Variants in SLC30A8 observed in about 807,000 individuals in gnomAD.
SLC30A8 encodes solute carrier family 30 member 8.
Under a neutral mutation model 36.9 loss-of-function variants are expected in SLC30A8, and 27 were observed. The observed-to-expected ratio is 0.73, with a 90% CI of 0.54 to 1.01. SLC30A8 has a LOEUF of 1.01. SLC30A8 is among the 50% of genes least tolerant of loss of function. SLC30A8 has a pLI of 0.00. For synonymous variants in SLC30A8, 164 were observed against 172.4 expected (o/e 0.95, Z 0.38); for missense variants, 439 against 452.0 (o/e 0.97, Z 0.26).
At chr8:117,034,794 G>A (rs971392403) in intron 1 of SLC30A8, among the ~76,000 whole-genome samples, 1 of 152,174 alleles carries the variant, frequency 6.6e-6, no homozygotes, top group Non-Finnish European at 1.5e-5. Flanking sequence ...CATGGCTGAG[G>A]AGTCCTCAGG....
At chr8:116,971,213 G>T (rs191676640) in intron 1 of SLC30A8, among the ~76,000 whole-genome samples, 4 of 152,016 alleles carry the variant, frequency 2.6e-5, no homozygotes, top group African/African-American at 7.3e-5. Context: ...ACCATGGCAC[G>T]TGTTTACCTA....
At chr8:117,143,665 A>AACACAC (rs58613241) in intron 1 of SLC30A8, among the ~76,000 whole-genome samples, 18,251 of 146,012 alleles carry the variant, frequency 0.12, 1,227 homozygotes, top group South Asian at 0.19. Flanking sequence ...TCTCCCATAA[A>AACACAC]ACACACACAC....
chr8:116,960,956 T>C (rs1814394915), intron 1 of SLC30A8, among the ~76,000 whole-genome samples: 1 of 151,930 alleles, frequency 6.6e-6, no homozygotes, highest in South Asian at 2.1e-4. Flanking sequence ...AAGCAATGAG[T>C]ATCCTTAAGA....
intron 1 of SLC30A8, among the ~76,000 whole-genome samples, chr8:116,964,751 A>G (rs962420094): frequency 6.6e-5 from 10 of 152,210 alleles, no homozygotes; most frequent in Non-Finnish European, 1.3e-4. Context: ...GAGGTTACTC[A>G]TCATCTCTTA....
At chr8:117,089,447 C>T (rs1819016880) in intron 2 of SLC30A8, among the ~76,000 whole-genome samples, 1 of 152,306 alleles carries the variant, frequency 6.6e-6, no homozygotes, top group East Asian at 1.9e-4. Flanking sequence ...ACATTGACTA[C>T]TTGCCCAAAT....
At chr8:117,103,477 CTTTG>C (rs61326196) in intron 2 of SLC30A8, among the ~76,000 whole-genome samples, 71 of 151,366 alleles carry the variant, frequency 4.7e-4, no homozygotes, top group South Asian at 1.7e-3. Context: ...GGGTAACATA[CTTTG>C]TTTGTTTGTT....
At chr8:116,984,398 G>A (rs1470640262) in intron 1 of SLC30A8, among the ~76,000 whole-genome samples, 1 of 152,210 alleles carries the variant, frequency 6.6e-6, no homozygotes, top group East Asian at 1.9e-4. Flanking sequence ...CTGTTTTCAG[G>A]ATGGCAGTGT....
At chr8:117,126,545 CCCATCCATCCATCCAT>C (rs57441824) in intron 2 of SLC30A8, among the ~76,000 whole-genome samples, 217 of 149,700 alleles carry the variant, frequency 1.4e-3, no homozygotes, top group African/African-American at 4.6e-3. Context: ...CATCCACCAA[CCCATCCATCCATCCAT>C]CCATCCATCC....
chr8:117,118,176 C>CAA (rs57091173), intron 2 of SLC30A8, among the ~76,000 whole-genome samples: 2,034 of 87,462 alleles, frequency 0.023, 49 homozygotes, highest in African/African-American at 0.068. Flanking sequence ...CTCTCTGTCT[C>CAA]AAAAAAAAAA....
intron 2 of SLC30A8, among the ~76,000 whole-genome samples, chr8:117,070,285 T>C (rs1818292104): frequency 6.6e-6 from 1 of 152,196 alleles, no homozygotes; most frequent in Non-Finnish European, 1.5e-5. Context: ...TGGGGCTGCA[T>C]TCAGCGGGAG....
chr8:116,977,244 G>T (rs987365839), intron 1 of SLC30A8, among the ~76,000 whole-genome samples: 1 of 146,696 alleles, frequency 6.8e-6, no homozygotes, highest in African/African-American at 2.5e-5. Context: ...CGCCTCCTGG[G>T]TTCACGCCAT....
At chr8:117,051,005 A>G (rs909767016) in intron 2 of SLC30A8, among the ~76,000 whole-genome samples, 46 of 152,222 alleles carry the variant, frequency 3.0e-4, no homozygotes, top group Admixed American at 2.7e-3. Flanking sequence ...CTTGTGGTGG[A>G]TGAAAGGTTC....
chr8:117,169,942 C>T (rs950858909), intron 6 of SLC30A8, among the ~76,000 whole-genome samples: 4 of 152,124 alleles, frequency 2.6e-5, no homozygotes, highest in Non-Finnish European at 5.9e-5. Flanking sequence ...CAAACTATAT[C>T]ACCCAGAGAT....
chr8:117,020,481 TTAAACA>T (rs993109034), intron 1 of SLC30A8, among the ~76,000 whole-genome samples: 13 of 152,326 alleles, frequency 8.5e-5, no homozygotes, highest in Admixed American at 2.6e-4. Flanking sequence ...ATTATTAAAG[TTAAACA>T]TATACATAGT....
chr8:117,052,969 C>G (rs1253042210), intron 2 of SLC30A8, among the ~76,000 whole-genome samples: 1 of 150,592 alleles, frequency 6.6e-6, no homozygotes, highest in Non-Finnish European at 1.5e-5. Flanking sequence ...TGCAGTGGTG[C>G]AATCTCAGCT....
chr8:117,086,225 C>T (rs538013488), intron 2 of SLC30A8, among the ~76,000 whole-genome samples: 5 of 152,228 alleles, frequency 3.3e-5, no homozygotes, highest in Admixed American at 6.5e-5. Context: ...GCCCAGTAAG[C>T]GTCAAGAGGC....
chr8:117,038,293 A>AT, intron 1 of SLC30A8, among the ~76,000 whole-genome samples: 1 of 152,086 alleles, frequency 6.6e-6, no homozygotes, highest in African/African-American at 2.4e-5. Flanking sequence ...TTTTATTTTT[A>AT]TTTTTTCCAA....
At chr8:116,976,890 C>G (rs1439124108) in intron 1 of SLC30A8, among the ~76,000 whole-genome samples, 1 of 148,392 alleles carries the variant, frequency 6.7e-6, no homozygotes, top group African/African-American at 2.5e-5. Context: ...GAACTCAGCT[C>G]ACTGCAACCT....
rs1814673406 is a variant in SLC30A8 at position 116,968,416 on chromosome 8, T to C, written c.-266+17297T>C. On this transcript the variant is annotated intron_variant, in intron 1 of 10. Coordinates refer to the SLC30A8 transcript ENST00000427715. ...ATTAATAAGCTATAGTATAGCTTAT[T>C]GTACTCAATAGCTGTGAGTCAGATG... Among the ~76,000 whole-genome samples, 5 of 151,086 alleles carry C rather than the reference T, an allele frequency of 3.3e-5. No individual in the cohort carries two copies. In the South Asian group the frequency reaches 1.0e-3, roughly 31 times the overall value.
Sources: allele counts gnomAD v4.1 joint callset (sites outside exome capture counted in the v4.1 genomes callset), GRCh38; gene constraint gnomAD v4.1.1; transcripts MANE v1.5; gene names NCBI Gene and HGNC (gene_info 2026-07-23, HGNC 2026-07-21).